MEGF6: variants seen among roughly 807,000 people sequenced by gnomAD.
MEGF6 encodes the protein multiple epidermal growth factor-like domains protein 6.
MEGF6 carries 184 observed loss-of-function variants against 207.1 expected under a neutral mutation model. The ratio of observed to expected loss-of-function variants is 0.89; its 90% confidence interval spans 0.79 to 1.00. MEGF6 has a LOEUF of 1.00. MEGF6 is among the 50% of genes least tolerant of loss of function. MEGF6 has a pLI of 0.00. For synonymous variants in MEGF6, 1,038 were observed against 910.0 expected, an observed-to-expected ratio of 1.14 and a Z score of -2.53; for missense variants, 2,282 against 2,202.9, an observed-to-expected ratio of 1.04 and a Z score of -0.72.
At chr1:3,548,648 T>C (rs1336280365) in intron 4 of MEGF6, among the ~76,000 whole-genome samples, 2 of 152,184 alleles carry the variant, frequency 1.3e-5, no homozygotes, top group African/African-American at 4.8e-5. Flanking sequence ...ACTGGGGCCT[T>C]GAGGCCAGGT....
intron 14 of MEGF6, 79 bp from the exon 15 acceptor site, chr1:3,506,315 C>CG (rs1382311026): frequency 1.1e-5 from 16 of 1,520,444 alleles, no homozygotes; most frequent in African/African-American, 1.4e-5. Flanking sequence ...GTAGGATGCG[C>CG]GGGGGCCCAG....
intron 17 of MEGF6, among the ~76,000 whole-genome samples, chr1:3,503,123 C>T (rs1342587709): frequency 2.0e-5 from 3 of 152,144 alleles, no homozygotes; most frequent in African/African-American, 4.8e-5. Flanking sequence ...GAGCAGCAGA[C>T]CTGACCCCGC....
chr1:3,530,515 G>A (rs1261221417), intron 4 of MEGF6, among the ~76,000 whole-genome samples: 1 of 152,184 alleles, frequency 6.6e-6, no homozygotes, highest in Non-Finnish European at 1.5e-5. Flanking sequence ...GGAGGGAGGC[G>A]GGCCTAGTGC....
chr1:3,495,992 T>A lies in MEGF6; in HGVS notation c.3769A>T (p.Asn1257Tyr). The A allele has an allele frequency of 6.4e-7, 1 of 1,551,478 alleles. No individual in the cohort carries two copies. The highest frequency in any genetic ancestry group is 8.7e-7 in the Non-Finnish European group (1 of 1,155,986). Residue 1257 changes from asparagine to tyrosine, a missense_variant, in exon 30 of 37, where the codon AAC becomes TAC. By Grantham distance (143) the Asn-to-Tyr change is moderately radical. Coordinates refer to ENST00000356575, the MANE Select transcript of MEGF6 (RefSeq NM_001409.4). ...LTCPQGRFGPNCTHVCGCGQG... is the reference protein window; with the variant it reads ...LTCPQGRFGPYCTHVCGCGQG... Reference sequence around the variant, plus strand: ...CCACACCCACACACGTGGGTGCAGTTGGGGCCGAAGCGGCCCTGCGGACAG... The same window carrying A: ...CCACACCCACACACGTGGGTGCAGTAGGGGCCGAAGCGGCCCTGCGGACAG...
chr1:3,542,242 G>A (rs1242162603), intron 4 of MEGF6, among the ~76,000 whole-genome samples: 2 of 152,270 alleles, frequency 1.3e-5, no homozygotes, highest in Non-Finnish European at 2.9e-5. Context: ...GGCCCTGGAG[G>A]CCAAAGGCAG....
At chr1:3,508,499 C>A (rs950906721) in intron 13 of MEGF6, 59 bp downstream of exon 13, 25 of 1,580,136 alleles carry the variant, frequency 1.6e-5, no homozygotes, top group Non-Finnish European at 2.0e-5. Context: ...AGGGCTGTCC[C>A]CAGGTCTTGG....
At chr1:3,528,370 C>T (rs976197888) in intron 4 of MEGF6, among the ~76,000 whole-genome samples, 13 of 152,222 alleles carry the variant, frequency 8.5e-5, no homozygotes, top group African/African-American at 3.1e-4. Flanking sequence ...CCAAGGACCC[C>T]GCAGGTGCTG....
chr1:3,610,371 C>T (rs1465100589), intron 1 of MEGF6, among the ~76,000 whole-genome samples: 1 of 152,130 alleles, frequency 6.6e-6, no homozygotes, highest in Non-Finnish European at 1.5e-5. Context: ...GGCCCCTGGA[C>T]GGGGAGGCTG....
At chr1:3,549,943 C>T (rs1011652365) in intron 4 of MEGF6, among the ~76,000 whole-genome samples, 4 of 152,170 alleles carry the variant, frequency 2.6e-5, no homozygotes, top group African/African-American at 9.7e-5. Flanking sequence ...CACCTGGAGA[C>T]TCACAAAGGC....
In MEGF6 at chr1:3,509,242, AG is replaced by A; in HGVS notation, c.1360del (p.Leu454TrpfsTer69). Reference protein sequence around the residue: ...LHEDRRGCSPLEEPMVDLDGE... With the variant: ...LHEDRRGCSPXEEPMVDLDGE... Reference sequence around the variant, plus strand: ...GTCCAGGTCCACCATCGGCTCCTCCAGGGCTGCCAGGGGCACAGAGGCGCCT... The same window carrying A: ...GTCCAGGTCCACCATCGGCTCCTCCAGGCTGCCAGGGGCACAGAGGCGCCT... On this transcript the variant is annotated frameshift_variant and splice_region_variant, in exon 12 of 37. Transcript: ENST00000356575. LOFTEE classifies it high-confidence loss of function. 6.7e-7 allele frequency: 1 copy of A among 1,489,032 alleles called. No individual in the cohort carries two copies. The allele number at this position is 1,489,032 out of a possible 1,614,324, so 92.2% of individuals were successfully genotyped here.
intron 4 of MEGF6, among the ~76,000 whole-genome samples, chr1:3,554,934 G>A (rs1311509284): frequency 6.6e-6 from 1 of 152,198 alleles, no homozygotes; most frequent in East Asian, 1.9e-4. Flanking sequence ...TGATTTGGGG[G>A]TTGGCCTCTT....
chr1:3,548,287 A>G (rs967075510), intron 4 of MEGF6, among the ~76,000 whole-genome samples: 5 of 152,058 alleles, frequency 3.3e-5, no homozygotes, highest in Non-Finnish European at 7.4e-5. Flanking sequence ...TGCCGGGGGC[A>G]TTTCTCTCTG....
chr1:3,544,254 C>G lies in MEGF6; in HGVS notation c.482-20008G>C, dbSNP rs138778766. 6.7e-3 allele frequency among the ~76,000 whole-genome samples: 1,004 copies of G among 150,480 alleles called. 13 individuals carry two copies. The highest frequency in any genetic ancestry group is 0.022 in the African/African-American group (911 of 40,858). On this transcript the variant is annotated intron_variant, in intron 4 of 36. Transcript: ENST00000356575. Reference sequence around the variant, plus strand: ...TCTCCCCCCAGCATCGCAGCGGCATCAGGCTAACCCTCTCCCCTCAGCATC... The same window carrying G: ...TCTCCCCCCAGCATCGCAGCGGCATGAGGCTAACCCTCTCCCCTCAGCATC...
chr1:3,525,929 C>G (rs555986368), intron 4 of MEGF6, among the ~76,000 whole-genome samples: 4 of 152,328 alleles, frequency 2.6e-5, no homozygotes, highest in African/African-American at 9.6e-5. Flanking sequence ...AGCAGACAGG[C>G]AGGAGGCCAC....
At chr1:3,490,864 A>G in intron 36 of MEGF6, 48 bp downstream of exon 36, 1 of 1,554,310 alleles carries the variant, frequency 6.4e-7, no homozygotes, top group Non-Finnish European at 8.7e-7. Flanking sequence ...TGACTTTGCC[A>G]TAACCCACCC....
At chr1:3,549,817 A>G (rs1022789936) in intron 4 of MEGF6, among the ~76,000 whole-genome samples, 2 of 152,158 alleles carry the variant, frequency 1.3e-5, no homozygotes, top group African/African-American at 4.8e-5. Flanking sequence ...GGGCCTCTCA[A>G]AGCCCAGCTA....
intron 5 of MEGF6, among the ~76,000 whole-genome samples, chr1:3,522,557 G>A (rs1265214849): frequency 4.1e-5 from 6 of 147,426 alleles, no homozygotes; most frequent in Non-Finnish European, 7.5e-5. Flanking sequence ...ATCCCAGAAG[G>A]CCCGGCTATA....
chr1:3,534,420 A>G (rs1204592256), intron 4 of MEGF6, among the ~76,000 whole-genome samples: 1 of 152,204 alleles, frequency 6.6e-6, no homozygotes, highest in Non-Finnish European at 1.5e-5. Flanking sequence ...TGTGGCTCAC[A>G]TTCTGTTTCT....
Position 3,499,819 on chromosome 1 carries a change from C to T in MEGF6, c.2813G>A (p.Trp938Ter), listed in dbSNP as rs750871978. 12 of 1,553,796 alleles carry T rather than the reference C, an allele frequency of 7.7e-6. No individual in the cohort carries two copies. Among genetic ancestry groups the T allele is most frequent in the Non-Finnish European group, 1.0e-5 (12 of 1,149,524 alleles). Reference protein sequence around the residue: ...VSGACTCPAGWRGTFCEHACP... With the variant: ...VSGACTCPAG The stretch of plus-strand genomic sequence containing the variant: ...ACCATGCTCGCAGAAGGTGCCCCTC[C>T]AGCCGGCCGGGCAGGTGCAGGCCCC... Residue 938 changes from tryptophan to a stop codon, truncating the protein, a stop_gained, in exon 22 of 37, where the codon TGG (tryptophan) becomes TAG (stop). Transcript: ENST00000356575. LOFTEE classifies it high-confidence loss of function.
Sources: gnomAD v4.1 joint callset for allele counts (sites outside exome capture counted in the v4.1 genomes callset) on GRCh38, gnomAD v4.1.1 for gene constraint, MANE v1.5 for transcripts, NCBI Gene and HGNC (gene_info 2026-07-23, HGNC 2026-07-21) for gene names.